Variants in GRID1 observed in about 807,000 individuals in gnomAD.
GRID1 encodes the protein glutamate ionotropic receptor delta type subunit 1.
A neutral mutation model predicts 98.0 loss-of-function variants in GRID1; 28 were observed. That is an observed-to-expected ratio of 0.29 (90% CI 0.21 to 0.39). The LOEUF is 0.39. Ranked by LOEUF, GRID1 falls within the 10% of genes least tolerant of loss-of-function variation. The pLI, the probability that GRID1 is intolerant of heterozygous loss-of-function variation, is 1.00. For synonymous variants in GRID1, 553 were observed against 538.5 expected (o/e 1.03, Z -0.37); for missense variants, 1,111 against 1,340.5 (o/e 0.83, Z 2.67).
intron 6 of GRID1, 114 bp from the exon 7 acceptor site, chr10:85,856,304 A>C (rs1843109280): frequency 1.1e-6 from 1 of 900,780 alleles, no homozygotes; most frequent in Non-Finnish European, 1.7e-6. Context: ...TGTGGTGCCC[A>C]GTATCTATGC....
intron 8 of GRID1, among the ~76,000 whole-genome samples, chr10:85,788,065 AGAAAAG>A (rs1286940198): frequency 6.3e-5 from 7 of 111,442 alleles, no homozygotes; most frequent in African/African-American, 3.2e-4. Flanking sequence ...AAAAAAAAAA[AGAAAAG>A]AAAAGAAAAA....
chr10:86,091,678 C>A (rs1844150755), intron 4 of GRID1, among the ~76,000 whole-genome samples: 1 of 152,116 alleles, frequency 6.6e-6, no homozygotes, highest in Non-Finnish European at 1.5e-5. Flanking sequence ...GGAGACCAAC[C>A]AGCACAAAGA....
At chr10:85,936,792 A>G (rs897593123) in intron 4 of GRID1, among the ~76,000 whole-genome samples, 1 of 152,362 alleles carries the variant, frequency 6.6e-6, no homozygotes, top group Middle Eastern at 3.4e-3. Context: ...TTCAATTAAA[A>G]AGTATTTGGC....
chr10:86,087,728 C>A (rs60237146), intron 4 of GRID1, among the ~76,000 whole-genome samples: 1 of 137,186 alleles, frequency 7.3e-6, no homozygotes, highest in African/African-American at 3.3e-5. Flanking sequence ...GATGTGCAGC[C>A]CAGCACAGAT....
chr10:85,840,942 C>T (rs896782554), intron 8 of GRID1, among the ~76,000 whole-genome samples: 2 of 152,102 alleles, frequency 1.3e-5, no homozygotes, highest in Non-Finnish European at 2.9e-5. Context: ...CAATGTTATT[C>T]CTATTAACCT....
intron 4 of GRID1, among the ~76,000 whole-genome samples, chr10:85,931,351 A>G (rs1841848308): frequency 6.6e-6 from 1 of 152,234 alleles, no homozygotes; most frequent in South Asian, 2.1e-4. Flanking sequence ...CATGTCCTTT[A>G]ACTCTGAAAT....
intron 12 of GRID1, among the ~76,000 whole-genome samples, chr10:85,686,820 T>C (rs891555346): frequency 2.0e-5 from 3 of 152,106 alleles, no homozygotes; most frequent in Admixed American, 6.5e-5. Flanking sequence ...CTACAAAACA[T>C]ACAAAGATAG....
chr10:85,869,520 T>G (rs911872911), intron 5 of GRID1, among the ~76,000 whole-genome samples: 1 of 152,218 alleles, frequency 6.6e-6, no homozygotes, highest in East Asian at 1.9e-4. Context: ...ACTTTCCTTT[T>G]GGGAGTCACC....
At position 85,719,365 on chromosome 10, in the gene GRID1, G is replaced by A. The variant is rs543630552; in HGVS notation, c.1997+3638C>T. Among the ~76,000 whole-genome samples the A allele has an allele frequency of 1.2e-4, 19 of 152,178 alleles. No homozygotes were observed. The South Asian group carries it at 2.9e-3, about 23-fold the overall frequency. On this transcript the variant is annotated intron_variant, in intron 12 of 15. Transcript: ENST00000327946. ...TCTTTTCAGCAATGCCCCTCATTCA[G>A]TACCAATTTACTGTATTAGTTTGTT...
intron 2 of GRID1, among the ~76,000 whole-genome samples, chr10:86,218,701 T>C (rs1430475925): frequency 6.6e-6 from 1 of 152,160 alleles, no homozygotes; most frequent in African/African-American, 2.4e-5. Context: ...CCTCCTCCTC[T>C]CCAGGGACCT....
At chr10:85,968,450 C>CAAAAAAAA (rs56938729) in intron 4 of GRID1, among the ~76,000 whole-genome samples, 3 of 102,432 alleles carry the variant, frequency 2.9e-5, no homozygotes, top group Non-Finnish European at 6.1e-5. Flanking sequence ...GACTCTGTCT[C>CAAAAAAAA]AAAAAAAAAA....
intron 8 of GRID1, among the ~76,000 whole-genome samples, 191 bp downstream of exon 8, chr10:85,854,305 G>T (rs554611303): frequency 6.6e-6 from 1 of 152,274 alleles, no homozygotes; most frequent in African/African-American, 2.4e-5. Context: ...TTTCTGTTTG[G>T]AAACCTCTCT....
At chr10:85,813,223 A>G (rs1842688558) in intron 8 of GRID1, among the ~76,000 whole-genome samples, 2 of 151,482 alleles carry the variant, frequency 1.3e-5, no homozygotes, top group South Asian at 4.1e-4. Flanking sequence ...ATATATATAT[A>G]AATTACGGAT....
At chr10:85,895,016 A>ATATAT (rs1554838331) in intron 5 of GRID1, among the ~76,000 whole-genome samples, 468 of 97,040 alleles carry the variant, frequency 4.8e-3, no homozygotes, top group East Asian at 0.015. Flanking sequence ...AAAAAAAAAA[A>ATATAT]ATATATATAT....
intron 8 of GRID1, among the ~76,000 whole-genome samples, chr10:85,776,453 A>G (rs1208036343): frequency 6.6e-6 from 1 of 152,202 alleles, no homozygotes; most frequent in East Asian, 1.9e-4. Flanking sequence ...GGAGAAAAAT[A>G]GAAACACACG....
intron 13 of GRID1, among the ~76,000 whole-genome samples, chr10:85,626,203 T>C (rs1347142528): frequency 6.6e-6 from 1 of 152,162 alleles, no homozygotes. Flanking sequence ...GGGCAGAAGA[T>C]TCCACCCCAT....
At chr10:85,760,375 C>G (rs971631555) in intron 8 of GRID1, among the ~76,000 whole-genome samples, 2 of 152,176 alleles carry the variant, frequency 1.3e-5, no homozygotes, top group African/African-American at 4.8e-5. Context: ...GGAAATAGTG[C>G]TACTGCCTAC....
At chr10:85,676,977 C>T (rs1240976017) in intron 12 of GRID1, among the ~76,000 whole-genome samples, 1 of 152,130 alleles carries the variant, frequency 6.6e-6, no homozygotes, top group Non-Finnish European at 1.5e-5. Flanking sequence ...AAGAGAAAAC[C>T]TGACCCTACA....
At chr10:86,018,751 C>T (rs1209230951) in intron 4 of GRID1, among the ~76,000 whole-genome samples, 1 of 152,242 alleles carries the variant, frequency 6.6e-6, no homozygotes, top group East Asian at 1.9e-4. Context: ...CCCCGCCTTC[C>T]AGCTCCATCT....
Sources: allele counts gnomAD v4.1 joint callset (sites outside exome capture counted in the v4.1 genomes callset), GRCh38; gene constraint gnomAD v4.1.1; transcripts MANE v1.5; gene names NCBI Gene and HGNC (gene_info 2026-07-23, HGNC 2026-07-21).